The following VCPIP1 variants were observed in gnomAD, a reference collection of about 807,000 sequenced individuals.
VCPIP1 encodes valosin containing protein interacting protein 1.
In VCPIP1, 8 loss-of-function variants were observed where a neutral mutation model predicts 85.0. The observed-to-expected ratio is 0.09, with a 90% CI of 0.06 to 0.17. The LOEUF is 0.17. Ranked by LOEUF, VCPIP1 falls within the 10% of genes least tolerant of loss-of-function variation. VCPIP1 has a pLI of 1.00. For missense variants in VCPIP1, 1,070 were observed against 1,486.3 expected (o/e 0.72, Z 4.61); for synonymous variants, 543 against 544.5 (o/e 1.00, Z 0.04).
chr8:66,636,878 A>G (rs1027043229), intron 2 of VCPIP1, among the ~76,000 whole-genome samples: 3 of 152,172 alleles, frequency 2.0e-5, no homozygotes, highest in Non-Finnish European at 4.4e-5. Context: ...TTAGATAGGA[A>G]GCTGTGATGC....
intron 2 of VCPIP1, among the ~76,000 whole-genome samples, chr8:66,643,658 G>A (rs1810968592): frequency 6.7e-6 from 1 of 148,820 alleles, no homozygotes; most frequent in Admixed American, 6.7e-5. Flanking sequence ...AGCCAAGATT[G>A]CACCACTGCA....
chr8:66,631,492 G>C lies in VCPIP1; in HGVS notation c.*3009C>G, dbSNP rs1810833878. 6.5e-6 allele frequency: 1 copy of C among 154,476 alleles called. No homozygotes were observed. The highest frequency in any genetic ancestry group is 2.4e-5 in the African/African-American group (1 of 41,496). 9.6% of individuals were successfully genotyped at this position (154,476 alleles called of 1,614,324 possible). On this transcript the variant is annotated 3_prime_UTR_variant, in exon 3 of 3. Coordinates refer to ENST00000310421, the MANE Select transcript of VCPIP1 (RefSeq NM_025054.5). ...TTAGTAGTATGAGTTGCTAGCAAGT[G>C]ATCTTCCCTGAGGTAAGAGACCATA... is the stretch of plus-strand genomic sequence containing the variant.
chr8:66,651,976 C>T (rs190654329), intron 1 of VCPIP1, among the ~76,000 whole-genome samples: 88 of 150,654 alleles, frequency 5.8e-4, no homozygotes, highest in Middle Eastern at 3.4e-3. Flanking sequence ...AGTTCCGATA[C>T]CAGCTTTGGC....
intron 2 of VCPIP1, among the ~76,000 whole-genome samples, chr8:66,647,897 C>T (rs1811012110): frequency 6.6e-6 from 1 of 152,102 alleles, no homozygotes; most frequent in Non-Finnish European, 1.5e-5. Context: ...GATTCTCCCA[C>T]CTCAGCCTCC....
At chr8:66,649,177 G>GTAA (rs1392396203) in intron 2 of VCPIP1, among the ~76,000 whole-genome samples, 103 of 151,198 alleles carry the variant, frequency 6.8e-4, no homozygotes, top group African/African-American at 2.3e-3. Flanking sequence ...CTCAAAACTA[G>GTAA]TAATAATAAT....
intron 2 of VCPIP1, among the ~76,000 whole-genome samples, 161 bp downstream of exon 2, chr8:66,651,297 A>G (rs985267144): frequency 3.3e-5 from 5 of 152,188 alleles, no homozygotes; most frequent in African/African-American, 1.2e-4. Context: ...ATAGCTGACC[A>G]TATCAGGGTA....
chr8:66,665,799 T>G lies in VCPIP1; in HGVS notation c.1160A>C (p.Lys387Thr). The change falls in exon 1 of 3, where the codon AAG becomes ACG. Residue 387 changes from lysine (K) to threonine (T), a missense_variant. Physicochemically the swap from Lys to Thr is moderately conservative, Grantham distance 78. This residue lies in a region of VCPIP1 where 83 missense variants were observed against 134.6 expected (regional missense o/e 0.62). Transcript: ENST00000310421. The surrounding 1 kb of genome is among the most constrained non-coding windows in gnomAD (Gnocchi z 4.3). Reference protein sequence around the residue: ...AWGVPQDLIKKYIKLEEDGGC... With the variant: ...AWGVPQDLIKTYIKLEEDGGC... ...ACCATCCTCTTCAAGTTTTATGTAC[T>G]TTTTAATAAGGTCCTGAGGCACACC... 6.2e-7 allele frequency: 1 copy of G among 1,614,198 alleles called. No homozygotes were observed. The highest frequency in any genetic ancestry group is 1.1e-5 in the South Asian group (1 of 91,088).
intron 2 of VCPIP1, among the ~76,000 whole-genome samples, chr8:66,647,148 C>T (rs1202383846): frequency 2.0e-5 from 3 of 152,154 alleles, no homozygotes; most frequent in Admixed American, 2.0e-4. Context: ...CAAGACCAGC[C>T]TAGCCAAGAT....
Position 66,635,317 on chromosome 8 carries a change from G to A in VCPIP1, c.2853C>T (p.Val951=), listed in dbSNP as rs1810873999. The A allele has an allele frequency of 6.2e-7, 1 of 1,614,074 alleles. No homozygotes were observed. ...CCAGTCTATCTTCAGAAGCATTATAGACAAAGGTTTTGCCAGGCAGATGTG... is the reference window on the plus strand; with the variant it reads ...CCAGTCTATCTTCAGAAGCATTATAAACAAAGGTTTTGCCAGGCAGATGTG... ...TFPHLPGKTF[V]YNASEDRLEL... Residue 951 remains valine, a synonymous_variant, in exon 3 of 3, where the codon GTC becomes GTT. Transcript: ENST00000310421.
At chr8:66,648,443 TATCTA>T (rs1220113161) in intron 2 of VCPIP1, among the ~76,000 whole-genome samples, 8 of 152,154 alleles carry the variant, frequency 5.3e-5, no homozygotes, top group Admixed American at 1.3e-4. Flanking sequence ...TTATCTAATC[TATCTA>T]ATCTATCATC....
At chr8:66,638,985 T>TATATATATAC (rs1302544149) in intron 2 of VCPIP1, among the ~76,000 whole-genome samples, 5 of 148,940 alleles carry the variant, frequency 3.4e-5, no homozygotes, top group African/African-American at 1.3e-4. Context: ...TATATATATA[T>TATATATATAC]ACATATATTT....
At chr8:66,646,852 C>T (rs1167133246) in intron 2 of VCPIP1, among the ~76,000 whole-genome samples, 2 of 150,332 alleles carry the variant, frequency 1.3e-5, no homozygotes, top group Admixed American at 6.7e-5. Flanking sequence ...GGTGAAACCC[C>T]GTCTCTACTA....
At chr8:66,637,313 GAA>G (rs1810898009) in intron 2 of VCPIP1, among the ~76,000 whole-genome samples, 1 of 151,914 alleles carries the variant, frequency 6.6e-6, no homozygotes, top group African/African-American at 2.4e-5. Flanking sequence ...CTGAGCCACT[GAA>G]CTCCAACATG....
rs1286934575 is a variant in VCPIP1, at chr8:66,628,658, T to C, written c.*5843A>G. The stretch of plus-strand genomic sequence containing the variant: ...AGAGTTTTTGAGAATTCTATTCTGA[T>C]GGTATGTGACCAATGGCATGCATAT... On this transcript the variant is annotated 3_prime_UTR_variant, in exon 3 of 3. Coordinates refer to ENST00000310421, the MANE Select transcript of VCPIP1 (RefSeq NM_025054.5). 2 of 152,234 alleles carry C rather than the reference T, an allele frequency of 1.3e-5. No individual in the cohort carries two copies. The highest frequency in any genetic ancestry group is 1.3e-4 in the Admixed American group (2 of 15,284). The allele number at this position is 152,234 out of a possible 1,614,324, so 9.4% of individuals were successfully genotyped here.
rs57563619 is a variant in VCPIP1, at chr8:66,639,321, C to CTTTTTTTTT, written c.2798-3958_2798-3950dup. On this transcript the variant is annotated intron_variant, in intron 2 of 2. Coordinates refer to ENST00000310421, the MANE Select transcript of VCPIP1 (RefSeq NM_025054.5). ...ATATTTTAAGCCAATTAATTTTATTCTTTTTTTTTTTTTTTTTTTTTTTTT... is the reference window on the plus strand; with the variant it reads ...ATATTTTAAGCCAATTAATTTTATTCTTTTTTTTTTTTTTTTTTTTTTTTTTTTTTTTTT... Among the ~76,000 whole-genome samples the CTTTTTTTTT allele has an allele frequency of 4.6e-4, 31 of 67,810 alleles. 1 individual carries two copies. The highest frequency in any genetic ancestry group is 5.9e-4 in the African/African-American group (9 of 15,172). 44.5% of individuals were successfully genotyped at this position (67,810 alleles called of 152,430 possible).
In VCPIP1 at chr8:66,667,225, C is replaced by T. The variant is rs1811231178; in HGVS notation, c.-267G>A. ...TCACTCACTCTCGCTCTCTCTCCCT[C>T]AGACACAGACATACACGCCCTCATT... On this transcript the variant is annotated 5_prime_UTR_variant, in exon 1 of 3. Coordinates refer to ENST00000310421, the MANE Select transcript of VCPIP1 (RefSeq NM_025054.5). The T allele has an allele frequency of 3.4e-6, 2 of 592,748 alleles. No homozygotes were observed. The highest frequency in any genetic ancestry group is 5.4e-6 in the Non-Finnish European group (2 of 367,284). The allele number at this position is 592,748 out of a possible 1,614,324, so 36.7% of individuals were successfully genotyped here. A position where few individuals can be genotyped will look rare whatever the true frequency, so the allele number is the denominator to read the frequency against.
At chr8:66,636,161 G>A (rs760271255) in intron 2 of VCPIP1, among the ~76,000 whole-genome samples, 22 of 149,262 alleles carry the variant, frequency 1.5e-4, no homozygotes, top group Non-Finnish European at 1.8e-4. Context: ...CCCAGGAGGC[G>A]GAGGTTGCAG....
chr8:66,635,728 G>A (rs950093231), intron 2 of VCPIP1, among the ~76,000 whole-genome samples: 7 of 149,286 alleles, frequency 4.7e-5, no homozygotes, highest in Non-Finnish European at 8.9e-5. Flanking sequence ...CCTGGCCAAC[G>A]TGGTGAAACC....
rs746053071 is a variant in VCPIP1, at chr8:66,629,478, C to T, written c.*5023G>A. 5.3e-5 allele frequency: 8 copies of T among 152,140 alleles called. No homozygotes were observed. The highest frequency in any genetic ancestry group is 7.4e-5 in the Non-Finnish European group (5 of 68,020). 9.4% of individuals were successfully genotyped at this position (152,140 alleles called of 1,614,324 possible). A position where few individuals can be genotyped will look rare whatever the true frequency, so the allele number is the denominator to read the frequency against. ...GTATTTTTTTAAACCACCACAAAAT[C>T]AAGTTCTCTGTTAGAATTTGCCTTC... On this transcript the variant is annotated 3_prime_UTR_variant, in exon 3 of 3. Coordinates refer to ENST00000310421, the MANE Select transcript of VCPIP1 (RefSeq NM_025054.5).
Sources: allele counts gnomAD v4.1 joint callset (sites outside exome capture counted in the v4.1 genomes callset), GRCh38; gene constraint gnomAD v4.1.1; regional missense constraint gnomAD v4.1.1; non-coding constraint Gnocchi (gnomAD v3.1); transcripts MANE v1.5; gene names NCBI Gene and HGNC (gene_info 2026-07-23, HGNC 2026-07-21).